Variants in MCC observed in about 807,000 individuals in gnomAD.
The protein encoded by MCC is MCC regulator of Wnt signaling pathway.
MCC carries 90 observed loss-of-function variants against 116.2 expected under a neutral mutation model. The observed-to-expected ratio is 0.77, with a 90% CI of 0.65 to 0.92. MCC has a LOEUF of 0.92. MCC is among the 40% of genes least tolerant of loss of function. MCC has a pLI of 0.00. For missense variants in MCC, 1,516 were observed against 1,312.2 expected, an observed-to-expected ratio of 1.16 and a Z score of -2.40; for synonymous variants, 578 against 510.5, an observed-to-expected ratio of 1.13 and a Z score of -1.78.
At chr5:113,208,671 G>C (rs927923237) in intron 3 of MCC, among the ~76,000 whole-genome samples, 1 of 152,068 alleles carries the variant, frequency 6.6e-6, no homozygotes, top group African/African-American at 2.4e-5. Context: ...TGTTTTTAAG[G>C]TTTCTAGAAA....
intron 3 of MCC, among the ~76,000 whole-genome samples, chr5:113,293,968 ATGTCCG>A (rs1186419227): frequency 6.6e-6 from 1 of 152,148 alleles, no homozygotes; most frequent in Admixed American, 6.5e-5. Flanking sequence ...CTCATCGGGA[ATGTCCG>A]TGTATTTTAC....
intron 1 of MCC, among the ~76,000 whole-genome samples, chr5:113,453,384 CA>C (rs2150421247): frequency 6.6e-6 from 1 of 152,184 alleles, no homozygotes; most frequent in African/African-American, 2.4e-5. Context: ...AAATTAAGTT[CA>C]AAACTTTGTT....
chr5:113,029,127 G>A, intron 17 of MCC, 71 bp from the exon 18 acceptor site: 2 of 1,476,280 alleles, frequency 1.4e-6, no homozygotes, highest in South Asian at 1.3e-5. Flanking sequence ...TCCCTGGGAA[G>A]TGGTGACAGA....
intron 8 of MCC, among the ~76,000 whole-genome samples, chr5:113,088,734 C>T (rs1283547401): frequency 6.6e-6 from 1 of 152,076 alleles, no homozygotes; most frequent in African/African-American, 2.4e-5. Context: ...GAGTGTGGCT[C>T]TGCTAACACC....
At chr5:113,210,603 T>A in intron 3 of MCC, among the ~76,000 whole-genome samples, 1 of 152,234 alleles carries the variant, frequency 6.6e-6, no homozygotes, top group South Asian at 2.1e-4. Context: ...AAGAGGATGT[T>A]TGGGGGAAAC....
At chr5:113,248,301 G>A (rs575380736) in intron 3 of MCC, among the ~76,000 whole-genome samples, 1 of 150,186 alleles carries the variant, frequency 6.7e-6, no homozygotes, top group South Asian at 2.1e-4. Context: ...CAACTCAGTA[G>A]TACAGTATTA....
intron 3 of MCC, among the ~76,000 whole-genome samples, chr5:113,175,540 A>T (rs1438749107): frequency 6.6e-6 from 1 of 152,168 alleles, no homozygotes; most frequent in Non-Finnish European, 1.5e-5. Flanking sequence ...TCAATTAGCC[A>T]CTCAAACTGG....
chr5:113,402,606 CT>C (rs1769723087), intron 1 of MCC, among the ~76,000 whole-genome samples: 2 of 152,086 alleles, frequency 1.3e-5, no homozygotes, highest in African/African-American at 4.8e-5. Flanking sequence ...CTACTTTACA[CT>C]TTTTTAAGGG....
intron 8 of MCC, among the ~76,000 whole-genome samples, chr5:113,095,630 C>G (rs1019376046): frequency 6.6e-6 from 1 of 151,996 alleles, no homozygotes; most frequent in Non-Finnish European, 1.5e-5. Context: ...AGCCATTTTC[C>G]CACCTCAGCC....
chr5:113,120,431 G>C (rs1757672048), intron 6 of MCC, among the ~76,000 whole-genome samples: 1 of 152,068 alleles, frequency 6.6e-6, no homozygotes, highest in Non-Finnish European at 1.5e-5. Flanking sequence ...TATTTTATTT[G>C]GCCTTAGATG....
chr5:113,360,398 G>C (rs950783582), intron 2 of MCC, among the ~76,000 whole-genome samples: 1 of 152,104 alleles, frequency 6.6e-6, no homozygotes, highest in Non-Finnish European at 1.5e-5. Context: ...TGGTTTGCTA[G>C]TATTTTGTTT....
intron 3 of MCC, among the ~76,000 whole-genome samples, chr5:113,250,726 A>C (rs1288941032): frequency 6.6e-6 from 1 of 152,208 alleles, no homozygotes; most frequent in Non-Finnish European, 1.5e-5. Flanking sequence ...CTGAAGACAA[A>C]GACGGCCAAT....
chr5:113,337,136 C>T (rs972988158), intron 3 of MCC, among the ~76,000 whole-genome samples: 1 of 152,186 alleles, frequency 6.6e-6, no homozygotes, highest in African/African-American at 2.4e-5. Flanking sequence ...GTGCTCTCCC[C>T]TGCTAGCTCT....
chr5:113,417,126 C>T (rs890238884), intron 1 of MCC, among the ~76,000 whole-genome samples: 15 of 152,156 alleles, frequency 9.9e-5, no homozygotes, highest in African/African-American at 2.2e-4. Flanking sequence ...CATGCCACCA[C>T]GCCTGGCTAA....
chr5:113,128,450 GTATTCCT>G (rs1758217709), intron 5 of MCC, among the ~76,000 whole-genome samples: 1 of 152,188 alleles, frequency 6.6e-6, no homozygotes, highest in Admixed American at 6.5e-5. Flanking sequence ...GGAAGGAAAT[GTATTCCT>G]TTTAGTTCTC....
rs534728639 is a variant in MCC at position 113,284,885 on chromosome 5, T to C, written c.627+55634A>G. ...AAAAATAAAGTCTGATTCTAAATAG[T>C]TGAAGGAAATGGGTCCATGTGACAG... is the stretch of plus-strand genomic sequence containing the variant. On this transcript the variant is annotated intron_variant, in intron 3 of 18. Transcript: ENST00000408903. 2.6e-5 allele frequency among the ~76,000 whole-genome samples: 4 copies of C among 152,314 alleles called. No homozygotes were observed. In the South Asian group the frequency reaches 8.3e-4, roughly 32 times the overall value.
intron 5 of MCC, among the ~76,000 whole-genome samples, chr5:113,136,099 C>T (rs1447174130): frequency 2.0e-5 from 3 of 152,122 alleles, no homozygotes; most frequent in Non-Finnish European, 4.4e-5. Context: ...GAAAAAGGGA[C>T]ATGCATATAT....
intron 3 of MCC, among the ~76,000 whole-genome samples, chr5:113,258,025 A>T (rs1162308788): frequency 6.6e-6 from 1 of 152,200 alleles, no homozygotes; most frequent in African/African-American, 2.4e-5. Flanking sequence ...GCTAAAATTG[A>T]GAGAAGTGAG....
chr5:113,201,285 C>G (rs1283268783), intron 3 of MCC, among the ~76,000 whole-genome samples: 2 of 150,610 alleles, frequency 1.3e-5, no homozygotes, highest in African/African-American at 4.9e-5. Flanking sequence ...ACTCGGGAGG[C>G]TGAAGCAGGA....
Sources: allele counts gnomAD v4.1 joint callset (sites outside exome capture counted in the v4.1 genomes callset), GRCh38; gene constraint gnomAD v4.1.1; transcripts MANE v1.5; gene names NCBI Gene and HGNC (gene_info 2026-07-23, HGNC 2026-07-21).